Variants in TULP4 observed in about 807,000 individuals in gnomAD.
TULP4 encodes the protein TUB like protein 4.
TULP4 carries 16 observed loss-of-function variants against 129.0 expected under a neutral mutation model. The ratio of observed to expected loss-of-function variants is 0.12; its 90% CI spans 0.08 to 0.19. The LOEUF is 0.19. Among genes scored for constraint, TULP4 ranks in the 10% least tolerant of loss-of-function variants. The probability of loss-of-function intolerance (pLI) is 1.00; values close to 1 mark genes in which losing one functional copy is unlikely to be tolerated. For missense variants in TULP4, 1,842 were observed against 2,059.1 expected, an observed-to-expected ratio of 0.89 and a Z score of 2.04; for synonymous variants, 998 against 854.0, an observed-to-expected ratio of 1.17 and a Z score of -2.94.
At chr6:158,323,583 T>A (rs1470390325) in intron 1 of TULP4, among the ~76,000 whole-genome samples, 27 of 152,164 alleles carry the variant, frequency 1.8e-4, no homozygotes, top group African/African-American at 6.3e-4. Flanking sequence ...AGGTATTCCA[T>A]TACAGGAGGG....
intron 1 of TULP4, among the ~76,000 whole-genome samples, chr6:158,331,572 G>A (rs1416730793): frequency 6.6e-6 from 1 of 150,402 alleles, no homozygotes; most frequent in Admixed American, 6.7e-5. Context: ...GGGTCTGGAA[G>A]CAGTAATTTC....
At chr6:158,338,265 TTA>T (rs1419492716) in intron 1 of TULP4, among the ~76,000 whole-genome samples, 1 of 152,130 alleles carries the variant, frequency 6.6e-6, no homozygotes, top group Non-Finnish European at 1.5e-5. Flanking sequence ...AGTGCTGGAA[TTA>T]TAGTCAGTCT....
intron 1 of TULP4, among the ~76,000 whole-genome samples, chr6:158,397,617 G>T (rs923096624): frequency 6.6e-6 from 1 of 152,010 alleles, no homozygotes; most frequent in African/African-American, 2.4e-5. Context: ...TGTGGCCCAA[G>T]ACAATTCTTC....
At chr6:158,504,529 TG>T (rs1780553484) in intron 13 of TULP4, among the ~76,000 whole-genome samples, 1 of 150,782 alleles carries the variant, frequency 6.6e-6, no homozygotes, top group Non-Finnish European at 1.5e-5. Context: ...TTTTTTTTTT[TG>T]TATTTTTAGT....
chr6:158,367,832 G>A (rs576854876), intron 1 of TULP4, among the ~76,000 whole-genome samples: 1 of 151,776 alleles, frequency 6.6e-6, no homozygotes, highest in Admixed American at 6.6e-5. Context: ...CTGAAGTTCT[G>A]GGTTTTCCAT....
In TULP4 at chr6:158,314,142, G is replaced by C; in HGVS notation, c.126G>C (p.Glu42Asp). 1.2e-6 allele frequency: 2 copies of C among 1,614,180 alleles called. No homozygotes were observed. The highest frequency in any genetic ancestry group is 1.7e-6 in the Non-Finnish European group (2 of 1,180,042). ...EKPVCRRRYY[E>D]EGWLATGNGR... is the part of the protein sequence containing the mutation. Reference sequence around the variant, plus strand: ...CTGTGTGCAGGAGACGCTACTATGAGGAAGGCTGGCTGGCCACGGGCAACG... The same window carrying C: ...CTGTGTGCAGGAGACGCTACTATGACGAAGGCTGGCTGGCCACGGGCAACG... Residue 42 changes from glutamate (E) to aspartate (D), a missense_variant, in exon 1 of 14, where the codon GAG (glutamate) becomes GAC (aspartate). Physicochemically the swap from Glu to Asp is conservative, Grantham distance 45. Coordinates refer to ENST00000367097, the MANE Select transcript of TULP4 (RefSeq NM_020245.5).
intron 2 of TULP4, among the ~76,000 whole-genome samples, chr6:158,422,928 C>T (rs948222839): frequency 2.0e-5 from 3 of 152,226 alleles, no homozygotes; most frequent in Non-Finnish European, 1.5e-5. Context: ...GCGCCCGAAT[C>T]GCCATGTTGG....
At chr6:158,455,574 TGA>T (rs1374248858) in intron 5 of TULP4, among the ~76,000 whole-genome samples, 1 of 151,662 alleles carries the variant, frequency 6.6e-6, no homozygotes, top group Non-Finnish European at 1.5e-5. Context: ...TTGTCTCTAC[TGA>T]AAGTACAAAA....
At position 158,449,186 on chromosome 6, in the gene TULP4, G is replaced by GGCCC; in HGVS notation, c.724+11_724+14dup. The GGCCC allele has an allele frequency of 6.2e-7, 1 of 1,606,104 alleles. No homozygotes were observed. Among genetic ancestry groups the GGCCC allele is most frequent in the Non-Finnish European group, 8.5e-7 (1 of 1,175,728 alleles). The stretch of plus-strand genomic sequence containing the variant: ...TACGCCCCTCCCCAAGGTACTCATT[G>GGCCC]GCCCTACTTTCCTTGTCACTGACCA... On this transcript the variant is annotated intron_variant, in intron 4 of 13. Coordinates refer to ENST00000367097, the MANE Select transcript of TULP4 (RefSeq NM_020245.5).
intron 1 of TULP4, among the ~76,000 whole-genome samples, chr6:158,324,064 T>TA (rs1779693722): frequency 6.6e-6 from 1 of 152,190 alleles, no homozygotes; most frequent in South Asian, 2.1e-4. Flanking sequence ...AGTGGAAACT[T>TA]ACCTAGTTTT....
At chr6:158,449,834 A>G (rs568212505) in intron 4 of TULP4, among the ~76,000 whole-genome samples, 16 of 151,718 alleles carry the variant, frequency 1.1e-4, no homozygotes, top group African/African-American at 3.6e-4. Flanking sequence ...GCACTGGCCC[A>G]CTCAGTTGGC....
intron 1 of TULP4, among the ~76,000 whole-genome samples, chr6:158,340,852 G>A (rs1381581740): frequency 6.6e-6 from 1 of 152,188 alleles, no homozygotes; most frequent in Non-Finnish European, 1.5e-5. Flanking sequence ...GGTTGCTTGA[G>A]TTAGAGCCTT....
Position 158,502,250 on chromosome 6 carries a change from G to A in TULP4, c.2587G>A (p.Val863Met). ...PLPPPQPPVDVCLKKGDFSLY... is the reference protein window; with the variant it reads ...PLPPPQPPVDMCLKKGDFSLY... ...GCCGCCCCCACAGCCCCCAGTGGAT[G>A]TGTGCTTGAAGAAGGGCGACTTCTC... The change falls in exon 13 of 14, where the codon GTG becomes ATG. Residue 863 changes from valine to methionine, a missense_variant. By Grantham distance (21) the Val-to-Met change is conservative. This residue lies in a region of TULP4 where 1,089 missense variants were observed against 987.1 expected (regional missense o/e 1.10). Coordinates refer to ENST00000367097, the MANE Select transcript of TULP4 (RefSeq NM_020245.5). 1.9e-6 allele frequency: 3 copies of A among 1,571,130 alleles called. No individual in the cohort carries two copies. The highest frequency in any genetic ancestry group is 2.6e-6 in the Non-Finnish European group (3 of 1,146,826).
At chr6:158,472,173 C>A (rs981014569) in intron 6 of TULP4, among the ~76,000 whole-genome samples, 1 of 152,200 alleles carries the variant, frequency 6.6e-6, no homozygotes. Context: ...GCATGTATTA[C>A]ACTTTTCTGT....
chr6:158,253,534 G>C (rs1001841344), intron 1 of TULP4, among the ~76,000 whole-genome samples: 1 of 152,020 alleles, frequency 6.6e-6, no homozygotes, highest in Non-Finnish European at 1.5e-5. Flanking sequence ...TTAGCAGGGA[G>C]GCCTTAGATG....
intron 6 of TULP4, among the ~76,000 whole-genome samples, chr6:158,465,790 C>A (rs929101182): frequency 6.6e-6 from 1 of 152,142 alleles, no homozygotes; most frequent in African/African-American, 2.4e-5. Context: ...GGAAGGTATA[C>A]GTTGGCTCAG....
At chr6:158,274,709 G>A (rs1346304745) in intron 1 of TULP4, among the ~76,000 whole-genome samples, 10 of 152,168 alleles carry the variant, frequency 6.6e-5, no homozygotes, top group South Asian at 4.1e-4. Context: ...CCCAGGAGGC[G>A]GAGCTTGCAG....
At chr6:158,457,831 C>G (rs962506652) in intron 5 of TULP4, among the ~76,000 whole-genome samples, 4 of 152,094 alleles carry the variant, frequency 2.6e-5, no homozygotes, top group Admixed American at 2.6e-4. Flanking sequence ...GCCATCTGCT[C>G]CTGTGGGCAG....
intron 2 of TULP4, among the ~76,000 whole-genome samples, chr6:158,415,150 A>T (rs541365019): frequency 6.6e-6 from 1 of 152,268 alleles, no homozygotes; most frequent in African/African-American, 2.4e-5. Context: ...GAGCTGAAAA[A>T]TTTCTATCAC....
Sources: gnomAD v4.1 joint callset for allele counts (sites outside exome capture counted in the v4.1 genomes callset) on GRCh38, gnomAD v4.1.1 for gene constraint, gnomAD v4.1.1 regional missense constraint, MANE v1.5 for transcripts, NCBI Gene and HGNC (gene_info 2026-07-23, HGNC 2026-07-21) for gene names.